The following CLVS2 variants were observed in gnomAD, a reference collection of about 807,000 sequenced individuals.
CLVS2 encodes clavesin-2.
CLVS2 carries 19 observed loss-of-function variants against 29.0 expected under a neutral mutation model. The ratio of observed to expected loss-of-function variants is 0.66; its 90% CI spans 0.46 to 0.96. The LOEUF is 0.96. CLVS2 is among the 40% of genes least tolerant of loss of function. CLVS2 has a pLI of 0.00. For missense variants in CLVS2, 294 were observed against 404.1 expected (o/e 0.73, Z 2.34); for synonymous variants, 161 against 151.3 (o/e 1.06, Z -0.47).
intron 3 of CLVS2, among the ~76,000 whole-genome samples, chr6:123,030,195 A>G (rs192781627): frequency 6.6e-6 from 1 of 152,178 alleles, no homozygotes; most frequent in Non-Finnish European, 1.5e-5. Flanking sequence ...GGCTGTTAAT[A>G]AAAGTGTGTA....
chr6:123,011,256 A>G (rs1774744710), intron 3 of CLVS2, 97 bp downstream of exon 3: 1 of 874,778 alleles, frequency 1.1e-6, no homozygotes, highest in Non-Finnish European at 1.7e-6. Context: ...ACAGAATAAC[A>G]AAAACAAAAA....
chr6:123,015,566 G>A (rs1774820000), intron 3 of CLVS2, among the ~76,000 whole-genome samples: 2 of 152,012 alleles, frequency 1.3e-5, no homozygotes, highest in Non-Finnish European at 2.9e-5. Flanking sequence ...TTCCAGGCCT[G>A]TTTCTAAGAA....
In CLVS2 at chr6:122,997,593, T is replaced by G; in HGVS notation, c.-185T>G. 6.3e-5 allele frequency: 33 copies of G among 520,250 alleles called. No homozygotes were observed. The highest frequency in any genetic ancestry group is 5.8e-4 in the Middle Eastern group (1 of 1,720). 32.2% of individuals were successfully genotyped at this position (520,250 alleles called of 1,614,324 possible). A position where few individuals can be genotyped will look rare whatever the true frequency, so the allele number is the denominator to read the frequency against. On this transcript the variant is annotated 5_prime_UTR_variant, in exon 2 of 6. Transcript: ENST00000275162. ...GTTTACACCCCCCGGCCCCCCCAGC[T>G]TTGCTGGGGGAAAGCAGGAGCAACA...
intron 3 of CLVS2, among the ~76,000 whole-genome samples, chr6:123,034,094 C>T (rs958674756): frequency 6.6e-6 from 1 of 152,206 alleles, no homozygotes; most frequent in East Asian, 1.9e-4. Context: ...GGAACTGGCT[C>T]TCTCATTCTT....
chr6:123,037,209 C>A (rs1217706942), intron 3 of CLVS2, among the ~76,000 whole-genome samples: 1 of 152,016 alleles, frequency 6.6e-6, no homozygotes, highest in Non-Finnish European at 1.5e-5. Context: ...GTTTCTAGTA[C>A]AATTAGTGGT....
chr6:123,066,289 G>C lies in CLVS2; in HGVS notation c.*2528G>C, dbSNP rs991024034. 6.6e-6 allele frequency: 1 copy of C among 151,386 alleles called. No homozygotes were observed. Among genetic ancestry groups the C allele is most frequent in the Non-Finnish European group, 1.5e-5 (1 of 67,698 alleles). The allele number at this position is 151,386 out of a possible 1,614,324, so 9.4% of individuals were successfully genotyped here. A position where few individuals can be genotyped will look rare whatever the true frequency, so the allele number is the denominator to read the frequency against. On this transcript the variant is annotated 3_prime_UTR_variant, in exon 6 of 6. Transcript: ENST00000275162. ...AATAACCTATACACTATAGTTGTATGCCTATAAGCACTCCTATACTCTTGT... is the reference window on the plus strand; with the variant it reads ...AATAACCTATACACTATAGTTGTATCCCTATAAGCACTCCTATACTCTTGT...
chr6:123,002,586 TAATAAAATAAAATAA>T (rs150606484), intron 2 of CLVS2, among the ~76,000 whole-genome samples: 1 of 144,162 alleles, frequency 6.9e-6, no homozygotes, highest in Non-Finnish European at 1.5e-5. Flanking sequence ...GTACTAAAAA[TAATAAAATAAAATAA>T]AATAAAATAA....
chr6:123,019,338 T>C (rs556370453), intron 3 of CLVS2, among the ~76,000 whole-genome samples: 1 of 152,198 alleles, frequency 6.6e-6, no homozygotes, highest in Non-Finnish European at 1.5e-5. Context: ...GGTGTTTTGC[T>C]TATGTTCTGT....
At chr6:123,038,514 A>G (rs1775185608) in intron 3 of CLVS2, among the ~76,000 whole-genome samples, 1 of 152,152 alleles carries the variant, frequency 6.6e-6, no homozygotes, top group Non-Finnish European at 1.5e-5. Flanking sequence ...ATGCATGCAT[A>G]TGTATAGTAC....
chr6:123,014,338 T>A (rs1442976714), intron 3 of CLVS2, among the ~76,000 whole-genome samples: 1 of 152,050 alleles, frequency 6.6e-6, no homozygotes, highest in Non-Finnish European at 1.5e-5. Flanking sequence ...TTCCTGACTT[T>A]TTTTTTCTTA....
intron 3 of CLVS2, among the ~76,000 whole-genome samples, chr6:123,032,909 G>A (rs1775102864): frequency 6.6e-6 from 1 of 152,046 alleles, no homozygotes; most frequent in Non-Finnish European, 1.5e-5. Flanking sequence ...GGCATTATGG[G>A]TATTCTATAA....
In CLVS2 at chr6:122,996,674, C is replaced by T. The variant is rs554613762; in HGVS notation, c.-632C>T. The T allele has an allele frequency of 4.5e-4, 74 of 165,466 alleles. No individual in the cohort carries two copies. Among genetic ancestry groups the T allele is most frequent in the African/African-American group, 1.5e-3 (64 of 41,612 alleles). The allele number at this position is 165,466 out of a possible 1,614,324, so 10.2% of individuals were successfully genotyped here. On this transcript the variant is annotated 5_prime_UTR_variant, in exon 1 of 6. Transcript: ENST00000275162. Reference sequence around the variant, plus strand: ...TTGATGCCGCTGTCGCCGCCGCCGCCGCTGCTGAAGCCGCGGCTGATGGAT... The same window carrying T: ...TTGATGCCGCTGTCGCCGCCGCCGCTGCTGCTGAAGCCGCGGCTGATGGAT...
chr6:123,026,229 G>A (rs1021660261), intron 3 of CLVS2, among the ~76,000 whole-genome samples: 1 of 152,002 alleles, frequency 6.6e-6, no homozygotes, highest in Non-Finnish European at 1.5e-5. Context: ...AGAAGAAAAG[G>A]CATTGGAATG....
At chr6:122,998,414 G>C (rs1774543811) in intron 2 of CLVS2, among the ~76,000 whole-genome samples, 1 of 152,052 alleles carries the variant, frequency 6.6e-6, no homozygotes, top group Admixed American at 6.6e-5. Flanking sequence ...CCTTAACCAC[G>C]TTATTGCACA....
At chr6:123,044,240 A>ATGAT (rs1240320885) in intron 3 of CLVS2, among the ~76,000 whole-genome samples, 1 of 152,210 alleles carries the variant, frequency 6.6e-6, no homozygotes, top group African/African-American at 2.4e-5. Context: ...CAGCAAGTCA[A>ATGAT]TGATTGGCAT....
rs553967340 is a variant in CLVS2, at chr6:123,037,380, C to T, written c.565-11242C>T. On this transcript the variant is annotated intron_variant, in intron 3 of 5. Coordinates refer to ENST00000275162, the MANE Select transcript of CLVS2 (RefSeq NM_001010852.4). ...TTTTATAGTTAACCCTTTGGTATGA[C>T]TCAGATTTGGGCTCTGGTTACCCTG... is the stretch of plus-strand genomic sequence containing the variant. Among the ~76,000 whole-genome samples the T allele has an allele frequency of 1.3e-3, 204 of 152,264 alleles. 1 individual carries two copies. The highest frequency in any genetic ancestry group is 4.8e-3 in the African/African-American group (199 of 41,566).
intron 3 of CLVS2, among the ~76,000 whole-genome samples, chr6:123,044,969 A>G (rs1183594207): frequency 6.6e-6 from 1 of 152,202 alleles, no homozygotes; most frequent in Non-Finnish European, 1.5e-5. Context: ...TTAATATGGT[A>G]ACCCTGTATC....
intron 3 of CLVS2, among the ~76,000 whole-genome samples, chr6:123,023,697 T>C (rs1467949226): frequency 6.6e-6 from 1 of 152,108 alleles, no homozygotes; most frequent in Non-Finnish European, 1.5e-5. Context: ...AACAATTACA[T>C]AGGATATAGT....
At chr6:123,002,310 T>C (rs7744058) in intron 2 of CLVS2, among the ~76,000 whole-genome samples, 111,216 of 152,086 alleles carry the variant, frequency 0.73, 41,143 homozygotes, top group East Asian at 0.91. Flanking sequence ...ATTGATATGA[T>C]ACTCTAACTT....
Sources: allele counts gnomAD v4.1 joint callset (sites outside exome capture counted in the v4.1 genomes callset), GRCh38; gene constraint gnomAD v4.1.1; transcripts MANE v1.5; gene names NCBI Gene and HGNC (gene_info 2026-07-23, HGNC 2026-07-21).